PHF3: variants seen among roughly 807,000 people sequenced by gnomAD.
The protein encoded by PHF3 is PHD finger protein 3.
In PHF3, 41 loss-of-function variants were observed where a neutral mutation model predicts 178.4. The ratio of observed to expected loss-of-function variants is 0.23; its 90% confidence interval spans 0.18 to 0.30. The LOEUF (loss-of-function observed/expected upper bound fraction) is 0.30. Among genes scored for constraint, PHF3 ranks in the 10% least tolerant of loss-of-function variants. The probability of loss-of-function intolerance (pLI) is 1.00; values close to 1 mark genes in which losing one functional copy is unlikely to be tolerated. For missense variants in PHF3, 2,346 were observed against 2,398.1 expected (o/e 0.98, Z 0.45); for synonymous variants, 842 against 800.5 (o/e 1.05, Z -0.88).
Position 63,684,392 on chromosome 6 carries a change from T to G in PHF3, c.670T>G (p.Ser224Ala). 6.2e-7 allele frequency: 1 copy of G among 1,614,070 alleles called. No homozygotes were observed. ...SVSSSHSSVS[S>A]CLEMKDEDGL... ...GTCTTCAAGTCATTCTTCAGTGTCA[T>G]CTTGTCTTGAAATGAAGGATGAAGA... The change falls in exon 4 of 16, where the codon TCT (serine) becomes GCT (alanine). Residue 224 changes from serine (S) to alanine (A), a missense_variant. Physicochemically the swap from Ser to Ala is moderately conservative, Grantham distance 99. Around this residue, in one of 8 missense-constraint regions of PHF3, gnomAD observed 843 missense variants for 795.2 expected, o/e 1.06. Coordinates refer to ENST00000262043, the MANE Select transcript of PHF3 (RefSeq NM_001370348.2).
At chr6:63,700,066 T>C (rs1180747649) in intron 8 of PHF3, among the ~76,000 whole-genome samples, 1 of 152,190 alleles carries the variant, frequency 6.6e-6, no homozygotes, top group Non-Finnish European at 1.5e-5. Flanking sequence ...TATGGTTATA[T>C]TGTGTCCCTG....
intron 2 of PHF3, among the ~76,000 whole-genome samples, chr6:63,653,841 G>A (rs912997653): frequency 6.6e-6 from 1 of 152,046 alleles, no homozygotes; most frequent in Non-Finnish European, 1.5e-5. Flanking sequence ...TATTGTGAAG[G>A]GATGTTGAAT....
rs372905629 is a variant in PHF3, at chr6:63,698,179, T to C, written c.2681-44T>C. The C allele has an allele frequency of 4.0e-6, 6 of 1,489,012 alleles. No homozygotes were observed. In the African/African-American group the frequency reaches 5.6e-5, roughly 14 times the overall value. 92.2% of individuals were successfully genotyped at this position (1,489,012 alleles called of 1,614,324 possible). On this transcript the variant is annotated intron_variant, in intron 6 of 15. Transcript: ENST00000262043. ...ACTTATTCATTAAAAAGGAAAGATA[T>C]TTTTAAAAGCAATGTAATGAGTTTC... is the stretch of plus-strand genomic sequence containing the variant.
At chr6:63,641,432 C>T (rs912480431) in intron 1 of PHF3, among the ~76,000 whole-genome samples, 3 of 152,018 alleles carry the variant, frequency 2.0e-5, no homozygotes, top group Admixed American at 6.6e-5. Flanking sequence ...CACACACACC[C>T]ACAGACACAA....
chr6:63,706,913 G>A lies in PHF3; in HGVS notation c.3711+37G>A, dbSNP rs773305680. On this transcript the variant is annotated intron_variant, in intron 13 of 15. Transcript: ENST00000262043. ...TTTTCTGCTTTTCTGTGCATGAATT[G>A]ATAATGTGTGTTTCTGAAAGTAATT... The A allele has an allele frequency of 5.7e-6, 9 of 1,578,658 alleles. No individual in the cohort carries two copies. The South Asian group carries it at 1.0e-4, about 18-fold the overall frequency.
At chr6:63,638,012 A>C (rs1272841271) in intron 1 of PHF3, among the ~76,000 whole-genome samples, 2 of 152,158 alleles carry the variant, frequency 1.3e-5, no homozygotes, top group Non-Finnish European at 2.9e-5. Flanking sequence ...TAACTTTATC[A>C]TGTTGATCTT....
In PHF3 at chr6:63,636,136, G is replaced by A. The variant is rs536052008; in HGVS notation, c.-40G>A. The A allele has an allele frequency of 6.7e-5, 26 of 389,080 alleles. 1 individual carries two copies. The South Asian group carries it at 2.7e-3, about 41-fold the overall frequency. The allele number at this position is 389,080 out of a possible 1,614,324, so 24.1% of individuals were successfully genotyped here. A position where few individuals can be genotyped will look rare whatever the true frequency, so the allele number is the denominator to read the frequency against. On this transcript the variant is annotated 5_prime_UTR_variant, in exon 1 of 16. Coordinates refer to ENST00000262043, the MANE Select transcript of PHF3 (RefSeq NM_001370348.2). ...CCTCTTGCTGCCAGTGGTAGCGCTC[G>A]TCTGGCGGAGCTGGGTGAGTTGCGG...
chr6:63,658,356 T>A (rs1765324246), intron 2 of PHF3, among the ~76,000 whole-genome samples: 1 of 152,212 alleles, frequency 6.6e-6, no homozygotes, highest in African/African-American at 2.4e-5. Flanking sequence ...GTCTTCTTTT[T>A]ATTCACTTTG....
intron 1 of PHF3, among the ~76,000 whole-genome samples, chr6:63,637,046 C>T (rs566422752): frequency 2.6e-5 from 4 of 152,216 alleles, no homozygotes; most frequent in Admixed American, 1.3e-4. Flanking sequence ...CCAGTAGTCA[C>T]GCGTAGAATA....
In PHF3 at chr6:63,723,902, A is replaced by G. The variant is rs1161206951; in HGVS notation, c.*10194A>G. On this transcript the variant is annotated 3_prime_UTR_variant, in exon 16 of 16. Transcript: ENST00000262043. ...AATGGTGCAATCTCGGCTCACTGCA[A>G]CCTCCATCTCCCGGGCTGCCTCAGT... Among the ~76,000 whole-genome samples the G allele has an allele frequency of 6.6e-6, 1 of 151,018 alleles. No individual in the cohort carries two copies. The highest frequency in any genetic ancestry group is 2.4e-5 in the African/African-American group (1 of 41,078).
In PHF3 at chr6:63,711,676, A is replaced by C. The variant is rs1042537009; in HGVS notation, c.4088A>C (p.His1363Pro). 1 of 1,613,894 alleles carries C rather than the reference A, an allele frequency of 6.2e-7. No homozygotes were observed. The highest frequency in any genetic ancestry group is 8.5e-7 in the Non-Finnish European group (1 of 1,179,856). The change falls in exon 16 of 16, where the codon CAT (histidine) becomes CCT (proline). Residue 1363 changes from histidine to proline, a missense_variant. Physicochemically the swap from His to Pro is moderately conservative, Grantham distance 77. This residue lies in a region of PHF3 where 839 missense variants were observed against 806.9 expected (regional missense o/e 1.04). Transcript: ENST00000262043. ...RQHSACASTS[H>P]IAETPESAPP... is the part of the protein sequence containing the mutation. ...CACAGTGCCTGTGCTAGTACTAGTC[A>C]TATAGCTGAGACTCCTGAAAGTGCA...
chr6:63,637,799 A>G (rs1764409892), intron 1 of PHF3, among the ~76,000 whole-genome samples: 1 of 152,200 alleles, frequency 6.6e-6, no homozygotes, highest in South Asian at 2.1e-4. Flanking sequence ...AAAGATTACA[A>G]CTTTAGATTT....
intron 1 of PHF3, among the ~76,000 whole-genome samples, chr6:63,645,497 GGA>G (rs1178002775): frequency 6.6e-6 from 1 of 152,104 alleles, no homozygotes; most frequent in African/African-American, 2.4e-5. Context: ...TTTTATAGGG[GGA>G]GAGAATTCAA....
intron 2 of PHF3, among the ~76,000 whole-genome samples, chr6:63,650,827 A>G (rs1272656289): frequency 6.6e-6 from 1 of 152,154 alleles, no homozygotes; most frequent in East Asian, 1.9e-4. Flanking sequence ...ACAGCATTTC[A>G]ATCAGACAGT....
Position 63,713,619 on chromosome 6 carries a change from G to A in PHF3, c.6031G>A (p.Glu2011Lys). The A allele has an allele frequency of 1.2e-6, 2 of 1,613,312 alleles. No homozygotes were observed. The highest frequency in any genetic ancestry group is 1.3e-5 in the African/African-American group (1 of 74,966). The change falls in exon 16 of 16, where the codon GAG (glutamate) becomes AAG (lysine). Residue 2011 changes from glutamate (E) to lysine (K), a missense_variant. Transcript: ENST00000262043. ...SEDYEKDKER[E>K]KSKHREGEKD... is the part of the protein sequence containing the mutation. ...AGACTATGAGAAGGACAAAGAACGA[G>A]AGAAAAGTAAACACAGAGAAGGAGA...
rs1561996374 is a variant in PHF3 at position 63,725,627 on chromosome 6, A to G, written c.*11919A>G. Among the ~76,000 whole-genome samples, 1 of 152,086 alleles carries G rather than the reference A, an allele frequency of 6.6e-6. No homozygotes were observed. The highest frequency in any genetic ancestry group is 1.5e-5 in the Non-Finnish European group (1 of 67,948). ...CTTCTGAGCTGTATTTTATAGCTCA[A>G]TTGTACTTTTTCTCTTTGAAATTAT... On this transcript the variant is annotated 3_prime_UTR_variant, in exon 16 of 16. Coordinates refer to ENST00000262043, the MANE Select transcript of PHF3 (RefSeq NM_001370348.2).
Position 63,702,550 on chromosome 6 carries a change from C to T in PHF3, c.3142C>T (p.Arg1048Trp). The T allele has an allele frequency of 1.9e-6, 3 of 1,612,064 alleles. No homozygotes were observed. Among genetic ancestry groups the T allele is most frequent in the East Asian group, 2.2e-5 (1 of 44,816 alleles). Residue 1048 changes from arginine to tryptophan, a missense_variant, in exon 10 of 16, where the codon CGG becomes TGG. Arg to Trp is a moderately radical substitution (Grantham distance 101). Coordinates refer to ENST00000262043, the MANE Select transcript of PHF3 (RefSeq NM_001370348.2). ...IEKEQREVERRPITKITHKGE... is the reference protein window; with the variant it reads ...IEKEQREVERWPITKITHKGE... ...GAAAGAGCAGAGAGAAGTGGAACGACGGCCAATCACCAAAATAACTCATAA... is the reference window on the plus strand; with the variant it reads ...GAAAGAGCAGAGAGAAGTGGAACGATGGCCAATCACCAAAATAACTCATAA...
rs542452700 is a variant in PHF3, at chr6:63,725,402, T to G, written c.*11694T>G. ...GCCAGTCACAATCCTGAATATACCT[T>G]GATTTTCTGCCCTCTTACATAGGTC... is the stretch of plus-strand genomic sequence containing the variant. On this transcript the variant is annotated 3_prime_UTR_variant, in exon 16 of 16. Transcript: ENST00000262043. Among the ~76,000 whole-genome samples the G allele has an allele frequency of 6.6e-6, 1 of 152,250 alleles. No homozygotes were observed. The highest frequency in any genetic ancestry group is 1.9e-4 in the East Asian group (1 of 5,190).
In PHF3 at chr6:63,721,271, A is replaced by G; in HGVS notation, c.*7563A>G. On this transcript the variant is annotated 3_prime_UTR_variant, in exon 16 of 16. Transcript: ENST00000262043. ...GTATACATAAAGATTGGTGGAGGCA[A>G]AGATTATTCAAACAGGACACAGACT... The G allele has an allele frequency of 6.4e-7, 1 of 1,551,972 alleles. No homozygotes were observed. The highest frequency in any genetic ancestry group is 1.4e-5 in the African/African-American group (1 of 73,168).
Sources: allele counts gnomAD v4.1 joint callset (sites outside exome capture counted in the v4.1 genomes callset), GRCh38; gene constraint gnomAD v4.1.1; regional missense constraint gnomAD v4.1.1; transcripts MANE v1.5; gene names NCBI Gene and HGNC (gene_info 2026-07-23, HGNC 2026-07-21).